Variants in DACH1 observed in about 807,000 individuals in gnomAD.
DACH1 encodes dachshund homolog 1.
Under a neutral mutation model 54.2 loss-of-function variants are expected in DACH1, and 12 were observed. The observed-to-expected ratio is 0.22, with a 90% CI of 0.14 to 0.36. The LOEUF (loss-of-function observed/expected upper bound fraction) is 0.36. Among genes scored for constraint, DACH1 ranks in the 10% least tolerant of loss-of-function variants. The probability of loss-of-function intolerance (pLI) is 1.00; values close to 1 mark genes in which losing one functional copy is unlikely to be tolerated. For missense variants in DACH1, 805 were observed against 929.8 expected (o/e 0.87, Z 1.75); for synonymous variants, 386 against 366.2 (o/e 1.05, Z -0.62).
At chr13:71,729,360 A>G (rs564793351) in intron 1 of DACH1, among the ~76,000 whole-genome samples, 4 of 152,186 alleles carry the variant, frequency 2.6e-5, no homozygotes, top group African/African-American at 9.6e-5. Context: ...TTTAAGAGAT[A>G]CTTATTTAAA....
intron 1 of DACH1, among the ~76,000 whole-genome samples, chr13:71,805,996 G>A (rs984010280): frequency 2.0e-5 from 3 of 152,062 alleles, no homozygotes; most frequent in African/African-American, 7.2e-5. Flanking sequence ...TAGTACAGAT[G>A]GGGTTTCTCC....
chr13:71,660,412 T>A (rs1879412790), intron 2 of DACH1, among the ~76,000 whole-genome samples: 1 of 152,130 alleles, frequency 6.6e-6, no homozygotes. Flanking sequence ...TTAACAATTT[T>A]AAAATATGTT....
At position 71,859,414 on chromosome 13, in the gene DACH1, G is replaced by A. The variant is rs189635256; in HGVS notation, c.848+6508C>T. On this transcript the variant is annotated intron_variant, in intron 1 of 10. Transcript: ENST00000613252. The stretch of plus-strand genomic sequence containing the variant: ...GGTGATTTGGGTCATTATATGTGAT[G>A]TGACATATATTTTTTAATTGGACAT... Among the ~76,000 whole-genome samples the A allele has an allele frequency of 2.0e-4, 31 of 151,826 alleles. No individual in the cohort carries two copies. The East Asian group carries it at 3.3e-3, about 16-fold the overall frequency.
intron 1 of DACH1, among the ~76,000 whole-genome samples, chr13:71,865,439 T>C (rs1874667633): frequency 6.6e-6 from 1 of 151,680 alleles, no homozygotes; most frequent in South Asian, 2.1e-4. Flanking sequence ...GGTCACGACC[T>C]CCCCCCGCCC....
At position 71,831,558 on chromosome 13, in the gene DACH1, C is replaced by A. The variant is rs182233368; in HGVS notation, c.848+34364G>T. Among the ~76,000 whole-genome samples the A allele has an allele frequency of 2.6e-5, 4 of 151,674 alleles. No individual in the cohort carries two copies. In the Admixed American group the frequency reaches 2.6e-4, roughly 10 times the overall value. On this transcript the variant is annotated intron_variant, in intron 1 of 10. Transcript: ENST00000613252. The stretch of plus-strand genomic sequence containing the variant: ...TTTTTCTGTACTACTATATACCCAC[C>A]AGAGAGTTAATCTTCTGATTCTATG...
At chr13:71,509,901 C>A (rs1880635931) in intron 6 of DACH1, among the ~76,000 whole-genome samples, 1 of 152,048 alleles carries the variant, frequency 6.6e-6, no homozygotes, top group African/African-American at 2.4e-5. Flanking sequence ...GTTATCTTAT[C>A]TTTTCCTCAC....
intron 2 of DACH1, among the ~76,000 whole-genome samples, chr13:71,641,794 C>G (rs1454581826): frequency 6.6e-6 from 1 of 152,092 alleles, no homozygotes; most frequent in South Asian, 2.1e-4. Context: ...AGACAAATTA[C>G]TTAGTCTGAT....
intron 1 of DACH1, among the ~76,000 whole-genome samples, chr13:71,802,767 AAC>A (rs1456225390): frequency 6.6e-6 from 1 of 152,146 alleles, no homozygotes; most frequent in Non-Finnish European, 1.5e-5. Context: ...GTATGAGACA[AAC>A]ACACTCAAAA....
At chr13:71,723,104 T>C (rs1429565407) in intron 1 of DACH1, among the ~76,000 whole-genome samples, 1 of 151,984 alleles carries the variant, frequency 6.6e-6, no homozygotes, top group East Asian at 1.9e-4. Context: ...AAATAAAACC[T>C]ATTAAAATGT....
intron 1 of DACH1, among the ~76,000 whole-genome samples, chr13:71,796,692 A>G (rs925946817): frequency 3.9e-4 from 59 of 152,262 alleles, no homozygotes; most frequent in African/African-American, 1.3e-3. Context: ...CATAAAGAAG[A>G]AAATCACATA....
chr13:71,626,927 C>T (rs1876687890), intron 3 of DACH1, among the ~76,000 whole-genome samples: 1 of 152,008 alleles, frequency 6.6e-6, no homozygotes. Context: ...TGCAGACTAG[C>T]ATCTCATCTT....
intron 6 of DACH1, among the ~76,000 whole-genome samples, chr13:71,555,741 T>C (rs1160896198): frequency 6.6e-6 from 1 of 152,172 alleles, no homozygotes; most frequent in Non-Finnish European, 1.5e-5. Flanking sequence ...CATGACATTC[T>C]GCTTTATTGT....
intron 2 of DACH1, among the ~76,000 whole-genome samples, chr13:71,636,630 A>T (rs1401117517): frequency 6.6e-6 from 1 of 151,342 alleles, no homozygotes; most frequent in African/African-American, 2.4e-5. Flanking sequence ...TAAAAAAAAA[A>T]AGTTTTCCTT....
chr13:71,614,151 T>A (rs1426435049), intron 3 of DACH1, among the ~76,000 whole-genome samples: 5 of 152,160 alleles, frequency 3.3e-5, no homozygotes, highest in Non-Finnish European at 7.3e-5. Flanking sequence ...CATCTTTTAA[T>A]GAAGAGAATG....
intron 1 of DACH1, among the ~76,000 whole-genome samples, chr13:71,822,566 T>G (rs1306711126): frequency 6.6e-6 from 1 of 152,204 alleles, no homozygotes; most frequent in Non-Finnish European, 1.5e-5. Flanking sequence ...CAAACTTTCC[T>G]CGATTAGCGT....
At chr13:71,699,723 T>A (rs1365891834) in intron 1 of DACH1, among the ~76,000 whole-genome samples, 3 of 152,248 alleles carry the variant, frequency 2.0e-5, no homozygotes, top group Non-Finnish European at 2.9e-5. Context: ...ACAAAACTTT[T>A]CATAAGCTTT....
intron 1 of DACH1, among the ~76,000 whole-genome samples, chr13:71,735,921 C>A (rs1884093737): frequency 6.6e-6 from 1 of 152,054 alleles, no homozygotes; most frequent in Non-Finnish European, 1.5e-5. Flanking sequence ...AAATCAAAGG[C>A]ACCCTGCATG....
intron 1 of DACH1, among the ~76,000 whole-genome samples, chr13:71,802,448 T>C (rs545143296): frequency 1.6e-4 from 24 of 152,172 alleles, no homozygotes; most frequent in African/African-American, 5.8e-4. Flanking sequence ...TAATCTGTTC[T>C]GGTGGAATTA....
chr13:71,827,077 T>C (rs567972208), intron 1 of DACH1, among the ~76,000 whole-genome samples: 28 of 152,168 alleles, frequency 1.8e-4, no homozygotes, highest in African/African-American at 6.3e-4. Context: ...ACTTTGATAA[T>C]CTAAATGTGA....
Sources: allele counts gnomAD v4.1 joint callset (sites outside exome capture counted in the v4.1 genomes callset), GRCh38; gene constraint gnomAD v4.1.1; transcripts MANE v1.5; gene names NCBI Gene and HGNC (gene_info 2026-07-23, HGNC 2026-07-21).